RPS6KA2: variants seen among roughly 807,000 people sequenced by gnomAD.
The protein encoded by RPS6KA2 is ribosomal protein S6 kinase A2.
Under a neutral mutation model 91.8 loss-of-function variants are expected in RPS6KA2, and 42 were observed. The observed-to-expected ratio is 0.46, with a 90% CI of 0.36 to 0.59. The LOEUF is 0.59. Among genes scored for constraint, RPS6KA2 ranks in the 20% least tolerant of loss-of-function variants. The pLI, the probability that RPS6KA2 is intolerant of heterozygous loss-of-function variation, is 0.00. For missense variants in RPS6KA2, 798 were observed against 978.5 expected (o/e 0.82, Z 2.46); for synonymous variants, 414 against 393.6 (o/e 1.05, Z -0.61).
intron 1 of RPS6KA2, among the ~76,000 whole-genome samples, chr6:166,555,477 C>T (rs576060986): frequency 9.2e-5 from 14 of 152,298 alleles, no homozygotes; most frequent in South Asian, 4.2e-4. Context: ...CCCTGTCCCA[C>T]GAAGTCACCC....
chr6:166,473,256 T>C (rs1215396313), intron 10 of RPS6KA2, among the ~76,000 whole-genome samples: 1 of 152,064 alleles, frequency 6.6e-6, no homozygotes, highest in Non-Finnish European at 1.5e-5. Flanking sequence ...AGTGGCATGA[T>C]CGTGACTCAC....
At chr6:166,742,120 G>A (rs185302558) in intron 2 of RPS6KA2, among the ~76,000 whole-genome samples, 18 of 152,228 alleles carry the variant, frequency 1.2e-4, no homozygotes, top group Admixed American at 2.6e-4. Flanking sequence ...GTAACAGAGC[G>A]AGACTCCATC....
chr6:166,774,765 G>A (rs1442851859), intron 2 of RPS6KA2, among the ~76,000 whole-genome samples: 1 of 152,134 alleles, frequency 6.6e-6, no homozygotes, highest in Admixed American at 6.5e-5. Flanking sequence ...GCATGATGAC[G>A]ATGTGGGGAA....
At chr6:166,680,824 G>T (rs369225954) in intron 2 of RPS6KA2, among the ~76,000 whole-genome samples, 27 of 152,280 alleles carry the variant, frequency 1.8e-4, no homozygotes, top group South Asian at 6.2e-4. Flanking sequence ...CAGGGAGACC[G>T]AGAACCCACC....
At chr6:166,682,485 G>A (rs1583016264) in intron 2 of RPS6KA2, among the ~76,000 whole-genome samples, 1 of 152,196 alleles carries the variant, frequency 6.6e-6, no homozygotes, top group Non-Finnish European at 1.5e-5. Flanking sequence ...GGGTGAGACA[G>A]CCCTGGGGAA....
At chr6:166,820,955 CA>C (rs1779892111) in intron 2 of RPS6KA2, among the ~76,000 whole-genome samples, 2 of 152,126 alleles carry the variant, frequency 1.3e-5, no homozygotes, top group South Asian at 4.1e-4. Context: ...TAAAAATTAA[CA>C]AGTATCTCTC....
chr6:166,462,722 C>T lies in RPS6KA2; in HGVS notation c.973-3171G>A, dbSNP rs1402867360. ...ACCACACAAATAGCTCCCCCTCACA[C>T]GGCAGCAGGAGGAAGCCCGCCTCTG... is the stretch of plus-strand genomic sequence containing the variant. On this transcript the variant is annotated intron_variant, in intron 11 of 20. Coordinates refer to ENST00000265678, the MANE Select transcript of RPS6KA2 (RefSeq NM_021135.6). Among the ~76,000 whole-genome samples, 6 of 152,306 alleles carry T rather than the reference C, an allele frequency of 3.9e-5. No individual in the cohort carries two copies. In the East Asian group the frequency reaches 7.7e-4, roughly 20 times the overall value.
At chr6:166,720,998 T>C (rs1361439098) in intron 2 of RPS6KA2, among the ~76,000 whole-genome samples, 1 of 152,232 alleles carries the variant, frequency 6.6e-6, no homozygotes, top group African/African-American at 2.4e-5. Flanking sequence ...TCATCTTACA[T>C]ACACTTCACA....
At chr6:166,804,917 TA>T (rs1469782879) in intron 2 of RPS6KA2, among the ~76,000 whole-genome samples, 1 of 152,238 alleles carries the variant, frequency 6.6e-6, no homozygotes, top group African/African-American at 2.4e-5. Flanking sequence ...AAAGAAAATA[TA>T]CTGACAGATT....
At chr6:166,593,483 C>G (rs982113368) in intron 1 of RPS6KA2, among the ~76,000 whole-genome samples, 3 of 152,144 alleles carry the variant, frequency 2.0e-5, no homozygotes, top group African/African-American at 7.2e-5. Context: ...TATAATATAG[C>G]CAGCACAGTA....
In RPS6KA2 at chr6:166,653,244, A is replaced by G. The variant is rs554747885; in HGVS notation, c.124-114460T>C. ...CCCGACTAATTTTTGTATGTTTAGT[A>G]GAGACAGGGTTTCACCATGTTGGCC... On this transcript the variant is annotated intron_variant, in intron 2 of 21. Transcript: ENST00000503859. Among the ~76,000 whole-genome samples, 24 of 152,376 alleles carry G rather than the reference A, an allele frequency of 1.6e-4. No individual in the cohort carries two copies. The South Asian group carries it at 4.8e-3, about 30-fold the overall frequency.
rs1202478732 is a variant in RPS6KA2 at position 166,748,694 on chromosome 6, A to G, written c.123+109506T>C. 6.1e-4 allele frequency among the ~76,000 whole-genome samples: 12 copies of G among 19,604 alleles called. No homozygotes were observed. In the East Asian group the frequency reaches 7.2e-3, roughly 12 times the overall value. The allele number at this position is 19,604 out of a possible 152,430, so 12.9% of individuals were successfully genotyped here. The stretch of plus-strand genomic sequence containing the variant: ...CATCTCCTCGGTCCCCCATTTCCTC[A>G]GGCCCCCACCTCCTCAGGCCCCCAT... On this transcript the variant is annotated intron_variant, in intron 2 of 21. Transcript: ENST00000503859.
intron 2 of RPS6KA2, among the ~76,000 whole-genome samples, chr6:166,762,088 G>A (rs762111896): frequency 1.3e-5 from 2 of 152,160 alleles, no homozygotes; most frequent in South Asian, 4.1e-4. Context: ...CACCACAGAG[G>A]TACATGGTCT....
intron 2 of RPS6KA2, among the ~76,000 whole-genome samples, chr6:166,788,046 G>A (rs1778978897): frequency 7.1e-6 from 1 of 141,470 alleles, no homozygotes; most frequent in African/African-American, 2.6e-5. Context: ...CTCAAAAAAA[G>A]ACATTTATGC....
At chr6:166,829,489 G>T (rs759752344) in intron 2 of RPS6KA2, among the ~76,000 whole-genome samples, 1 of 149,558 alleles carries the variant, frequency 6.7e-6, no homozygotes, top group Non-Finnish European at 1.5e-5. Flanking sequence ...TACTCCAGAG[G>T]CTAAGGAAGG....
In RPS6KA2 at chr6:166,419,439, A is replaced by T. The variant is rs1315964384; in HGVS notation, c.1820+443T>A. Reference sequence around the variant, plus strand: ...GCAGGCCCAGGCCACTTTCTGTAACACCACGTGTCTTACCACAATGAACCG... The same window carrying T: ...GCAGGCCCAGGCCACTTTCTGTAACTCCACGTGTCTTACCACAATGAACCG... On this transcript the variant is annotated intron_variant, in intron 18 of 20. Coordinates refer to ENST00000265678, the MANE Select transcript of RPS6KA2 (RefSeq NM_021135.6). This position sits in a 1 kb window ranked among gnomAD's most constrained non-coding sequence, Gnocchi z 5.6. Among the ~76,000 whole-genome samples the T allele has an allele frequency of 6.6e-6, 1 of 152,132 alleles. No individual in the cohort carries two copies. Among genetic ancestry groups the T allele is most frequent in the Non-Finnish European group, 1.5e-5 (1 of 68,020 alleles).
intron 8 of RPS6KA2, among the ~76,000 whole-genome samples, chr6:166,497,498 C>T (rs1056696840): frequency 2.0e-5 from 3 of 152,234 alleles, no homozygotes; most frequent in Admixed American, 6.5e-5. Context: ...GTCTGCCCCT[C>T]GCGGAGAGGT....
intron 1 of RPS6KA2, among the ~76,000 whole-genome samples, chr6:166,609,576 C>T (rs1440333728): frequency 3.3e-5 from 5 of 150,980 alleles, no homozygotes; most frequent in South Asian, 2.1e-4. Flanking sequence ...CTTGGCTCAC[C>T]GTAATCTCCG....
At chr6:166,659,569 T>C (rs996148564) in intron 2 of RPS6KA2, among the ~76,000 whole-genome samples, 2 of 152,260 alleles carry the variant, frequency 1.3e-5, no homozygotes, top group Non-Finnish European at 2.9e-5. Context: ...ATTGAACATC[T>C]ACTCTGTGCA....
Sources: allele counts gnomAD v4.1 joint callset (sites outside exome capture counted in the v4.1 genomes callset), GRCh38; gene constraint gnomAD v4.1.1; non-coding constraint Gnocchi (gnomAD v3.1); transcripts MANE v1.5; gene names NCBI Gene and HGNC (gene_info 2026-07-23, HGNC 2026-07-21).